The following ANKK1 variants were observed in gnomAD, a reference collection of about 807,000 sequenced individuals.
ANKK1 encodes ankyrin repeat and protein kinase domain-containing protein 1.
In ANKK1, 37 loss-of-function variants were observed where a neutral mutation model predicts 37.6. The observed-to-expected ratio is 0.98, with a 90% CI of 0.76 to 1.29. The LOEUF (loss-of-function observed/expected upper bound fraction) is 1.29, where lower values mean the gene tolerates loss of function less well. ANKK1 is among the 50% of genes most tolerant of loss of function. The probability of loss-of-function intolerance (pLI) is 0.00; values close to 1 mark genes in which losing one functional copy is unlikely to be tolerated. For synonymous variants in ANKK1, 415 were observed against 418.7 expected, an observed-to-expected ratio of 0.99 and a Z score of 0.11; for missense variants, 1,019 against 990.6, an observed-to-expected ratio of 1.03 and a Z score of -0.39.
chr11:113,395,101 G>A (rs2138130621), intron 3 of ANKK1, 21 bp downstream of exon 3: 2 of 1,581,926 alleles, frequency 1.3e-6, no homozygotes, highest in East Asian at 4.5e-5. Context: ...GGCCTGGCGT[G>A]ATGCCACACA....
intron 7 of ANKK1, among the ~76,000 whole-genome samples, chr11:113,398,735 G>T (rs538322395): frequency 6.6e-6 from 1 of 152,230 alleles, no homozygotes; most frequent in Non-Finnish European, 1.5e-5. Flanking sequence ...TGCTCTTTCT[G>T]CCTCACCTGT....
chr11:113,399,228 A>T lies in ANKK1; in HGVS notation c.1259A>T (p.Asp420Val), dbSNP rs1350367470. The change falls in exon 8 of 8, where the codon GAT (aspartate) becomes GTT (valine). Residue 420 changes from aspartate (D) to valine (V), a missense_variant. Transcript: ENST00000303941. ...GCCCTGCTTTTGGCACATGGTGCTG[A>T]TGCCAACCGAGTGGATGAGGATGGC... The part of the protein sequence containing the change: ...LCALLLAHGA[D>V]ANRVDEDGWA... 6.2e-7 allele frequency: 1 copy of T among 1,607,290 alleles called. No homozygotes were observed. The highest frequency in any genetic ancestry group is 1.1e-5 in the South Asian group (1 of 89,276).
intron 1 of ANKK1, among the ~76,000 whole-genome samples, chr11:113,389,286 A>G (rs890738430): frequency 6.6e-6 from 1 of 152,158 alleles, no homozygotes; most frequent in African/African-American, 2.4e-5. Flanking sequence ...CCCTGGGTGG[A>G]GGGGGTAAGA....
At chr11:113,393,908 G>A in intron 2 of ANKK1, 133 bp downstream of exon 2, 1 of 1,130,106 alleles carries the variant, frequency 8.8e-7, no homozygotes, top group Non-Finnish European at 1.2e-6. Context: ...CTAAAGGCAG[G>A]GATCACACTG....
Position 113,395,438 on chromosome 11 carries a change from G to T in ANKK1, c.682+30G>T, listed in dbSNP as rs369359821. The T allele has an allele frequency of 1.9e-5, 31 of 1,612,326 alleles. No individual in the cohort carries two copies. The African/African-American group carries it at 3.3e-4, about 17-fold the overall frequency. On this transcript the variant is annotated intron_variant, in intron 4 of 7. Transcript: ENST00000303941. ...GCAGGCGGCTGTGGCTCTGTGTTGGGGGCAGGAGGACCCCTGGGATGGGCT... is the reference window on the plus strand; with the variant it reads ...GCAGGCGGCTGTGGCTCTGTGTTGGTGGCAGGAGGACCCCTGGGATGGGCT...
chr11:113,398,294 G>A (rs1212869443), intron 7 of ANKK1, among the ~76,000 whole-genome samples: 1 of 138,274 alleles, frequency 7.2e-6, no homozygotes, highest in Non-Finnish European at 1.5e-5. Context: ...CTGGCTGCAT[G>A]TTAGAATTGC....
At chr11:113,389,478 A>T (rs1196042326) in intron 1 of ANKK1, among the ~76,000 whole-genome samples, 1 of 152,204 alleles carries the variant, frequency 6.6e-6, no homozygotes, top group Non-Finnish European at 1.5e-5. Context: ...AATGCAACAG[A>T]TGTGTCCTTT....
chr11:113,389,172 C>A (rs182667275), intron 1 of ANKK1, among the ~76,000 whole-genome samples: 2 of 152,194 alleles, frequency 1.3e-5, no homozygotes, highest in East Asian at 3.9e-4. Context: ...TCATTTATAG[C>A]CTTTTGAATA....
At chr11:113,392,605 T>A (rs569702532) in intron 1 of ANKK1, among the ~76,000 whole-genome samples, 1 of 152,322 alleles carries the variant, frequency 6.6e-6, no homozygotes, top group Non-Finnish European at 1.5e-5. Flanking sequence ...CCCAAAATAA[T>A]CTATAACAAT....
intron 6 of ANKK1, 29 bp downstream of exon 6, chr11:113,397,371 G>A: frequency 2.5e-6 from 4 of 1,582,928 alleles, no homozygotes; most frequent in Non-Finnish European, 3.5e-6. Context: ...CAGTCCTTAT[G>A]GTCATGCTAA....
In ANKK1 at chr11:113,395,411, A is replaced by T. The variant is rs371425911; in HGVS notation, c.682+3A>T. 2.5e-6 allele frequency: 4 copies of T among 1,613,724 alleles called. No homozygotes were observed. Among genetic ancestry groups the T allele is most frequent in the Non-Finnish European group, 3.4e-6 (4 of 1,179,832 alleles). On this transcript the variant is annotated splice_donor_region_variant and intron_variant, in intron 4 of 7. Coordinates refer to ENST00000303941, the MANE Select transcript of ANKK1 (RefSeq NM_178510.2). ...CACTCAGAAGAAACCATACTCAGGT[A>T]AGCAGGCGGCTGTGGCTCTGTGTTG...
chr11:113,389,345 G>A (rs1174115790), intron 1 of ANKK1, among the ~76,000 whole-genome samples: 2 of 152,120 alleles, frequency 1.3e-5, no homozygotes, highest in Admixed American at 6.5e-5. Context: ...TATACTAGGA[G>A]CTTTACGTGC....
Position 113,394,915 on chromosome 11 carries a change from C to T in ANKK1, c.481-14C>T, listed in dbSNP as rs1402786708. 1 of 1,604,096 alleles carries T rather than the reference C, an allele frequency of 6.2e-7. No homozygotes were observed. The highest frequency in any genetic ancestry group is 2.2e-5 in the East Asian group (1 of 44,656). ...CTCTATCACGGCTTTATCTCTGCCC[C>T]TGCCTTCTCCCAGATTTCAGACTTC... On this transcript the variant is annotated splice_polypyrimidine_tract_variant and intron_variant, in intron 2 of 7. Coordinates refer to ENST00000303941, the MANE Select transcript of ANKK1 (RefSeq NM_178510.2).
rs781630961 is a variant in ANKK1 at position 113,399,014 on chromosome 11, T to G, written c.1045T>G (p.Leu349Val). Reference sequence around the variant, plus strand: ...CCTTCAGCTCTCCGACCGTAAGAATTTGGTCCCGAGAGATGAGGAACTGTG... The same window carrying G: ...CCTTCAGCTCTCCGACCGTAAGAATGTGGTCCCGAGAGATGAGGAACTGTG... ...RALQLSDRKN[L>V]VPRDEELCIY... Residue 349 changes from leucine (L) to valine (V), a missense_variant, in exon 8 of 8, where the codon TTG becomes GTG. By Grantham distance (32) the Leu-to-Val change is conservative. Coordinates refer to ENST00000303941, the MANE Select transcript of ANKK1 (RefSeq NM_178510.2). 1 of 1,600,232 alleles carries G rather than the reference T, an allele frequency of 6.2e-7. No individual in the cohort carries two copies. The highest frequency in any genetic ancestry group is 1.7e-5 in the Admixed American group (1 of 58,434).
At position 113,399,133 on chromosome 11, in the gene ANKK1, G is replaced by T. The variant is rs899701167; in HGVS notation, c.1164G>T (p.Val388=). 6 of 1,594,804 alleles carry T rather than the reference G, an allele frequency of 3.8e-6. No homozygotes were observed. The highest frequency in any genetic ancestry group is 5.1e-6 in the Non-Finnish European group (6 of 1,170,934). ...VRLLLAHEVD[V]DCQTASGYTP... is the part of the protein sequence containing the mutation. ...TGCTGCTGGCCCACGAGGTAGACGTGGACTGCCAGACGGCCTCTGGATACA... is the reference window on the plus strand; with the variant it reads ...TGCTGCTGGCCCACGAGGTAGACGTTGACTGCCAGACGGCCTCTGGATACA... The change falls in exon 8 of 8, where the codon GTG becomes GTT. Residue 388 remains valine (V), a synonymous_variant. Transcript: ENST00000303941.
rs374434021 is a variant in ANKK1 at position 113,400,067 on chromosome 11, G to T, written c.2098G>T (p.Ala700Ser). The change falls in exon 8 of 8, where the codon GCC becomes TCC. Residue 700 changes from alanine to serine, a missense_variant. Coordinates refer to ENST00000303941, the MANE Select transcript of ANKK1 (RefSeq NM_178510.2). ...KVGWTPAHLA[A>S]LKGNTAILKV... ...GGGCTGGACACCCGCCCACCTGGCC[G>T]CCCTCAAGGGCAACACAGCCATCCT... The T allele has an allele frequency of 8.1e-6, 13 of 1,613,356 alleles. No homozygotes were observed. Among genetic ancestry groups the T allele is most frequent in the African/African-American group, 1.3e-5 (1 of 74,940 alleles).
intron 2 of ANKK1, among the ~76,000 whole-genome samples, chr11:113,394,409 G>T (rs938442621): frequency 1.3e-5 from 2 of 152,182 alleles, no homozygotes; most frequent in Admixed American, 6.5e-5. Context: ...TTGGCAGGGG[G>T]TGTCTCATTT....
At chr11:113,396,347 T>TC (rs1591262618) in intron 5 of ANKK1, 125 bp downstream of exon 5, 2 of 1,214,678 alleles carry the variant, frequency 1.6e-6, no homozygotes, top group East Asian at 4.9e-5. Context: ...AAGGACTTTT[T>TC]TTTTTTTTTT....
intron 1 of ANKK1, among the ~76,000 whole-genome samples, chr11:113,389,141 G>C (rs1222205487): frequency 6.6e-6 from 1 of 152,146 alleles, no homozygotes; most frequent in Non-Finnish European, 1.5e-5. Context: ...GAGGGTCAGA[G>C]TATGCTAGGA....
Sources: gnomAD v4.1 joint callset for allele counts (sites outside exome capture counted in the v4.1 genomes callset) on GRCh38, gnomAD v4.1.1 for gene constraint, MANE v1.5 for transcripts, NCBI Gene and HGNC (gene_info 2026-07-23, HGNC 2026-07-21) for gene names.